NCOA1: variants seen among roughly 807,000 people sequenced by gnomAD.
The protein encoded by NCOA1 is nuclear receptor coactivator 1.
In NCOA1, 35 loss-of-function variants were observed where a neutral mutation model predicts 150.9. The observed-to-expected ratio is 0.23, with a 90% CI of 0.18 to 0.31. The LOEUF is 0.31. NCOA1 is among the 10% of genes least tolerant of loss of function. The pLI, the probability that NCOA1 is intolerant of heterozygous loss-of-function variation, is 1.00. For synonymous variants in NCOA1, 590 were observed against 630.0 expected (o/e 0.94, Z 0.95); for missense variants, 1,491 against 1,749.3 (o/e 0.85, Z 2.63).
chr2:24,735,729 T>G (rs1037039995), intron 17 of NCOA1, among the ~76,000 whole-genome samples: 1 of 152,100 alleles, frequency 6.6e-6, no homozygotes, highest in African/African-American at 2.4e-5. Flanking sequence ...GTTGAGATTT[T>G]TAAAAAGAGC....
intron 1 of NCOA1, among the ~76,000 whole-genome samples, chr2:24,542,197 G>A (rs530669667): frequency 7.9e-5 from 12 of 152,280 alleles, no homozygotes; most frequent in African/African-American, 2.9e-4. Flanking sequence ...TGATGCATAA[G>A]TAGTCAAACA....
rs888438665 is a variant in NCOA1 at position 24,768,394 on chromosome 2, A to G, written c.*3A>G. 4.4e-5 allele frequency: 70 copies of G among 1,599,944 alleles called. No homozygotes were observed. Among genetic ancestry groups the G allele is most frequent in the Non-Finnish European group, 6.0e-5 (70 of 1,171,356 alleles). On this transcript the variant is annotated 3_prime_UTR_variant, in exon 23 of 23. Coordinates refer to ENST00000348332, the MANE Select transcript of NCOA1 (RefSeq NM_003743.5). ...TTCAGCAGCTACTGACTGAATAACC[A>G]CTTTTAAAGGAATGTGAAATTTAAA...
intron 1 of NCOA1, among the ~76,000 whole-genome samples, chr2:24,540,940 G>A (rs10432678): frequency 0.5 from 75,999 of 152,006 alleles, 20,735 homozygotes; most frequent in Admixed American, 0.67. Flanking sequence ...TGGAGAGATG[G>A]TATTGCCAGA....
chr2:24,531,684 C>T (rs908006095), intron 1 of NCOA1, among the ~76,000 whole-genome samples: 1 of 152,172 alleles, frequency 6.6e-6, no homozygotes, highest in Non-Finnish European at 1.5e-5. Flanking sequence ...TCAGTTCCCA[C>T]CTGTGAATGA....
At chr2:24,647,696 A>G (rs1205616878) in intron 4 of NCOA1, among the ~76,000 whole-genome samples, 3 of 152,220 alleles carry the variant, frequency 2.0e-5, no homozygotes, top group African/African-American at 7.2e-5. Context: ...CTTTAGATGC[A>G]TATTAATGGG....
intron 17 of NCOA1, among the ~76,000 whole-genome samples, chr2:24,731,316 T>C (rs1662999719): frequency 6.6e-6 from 1 of 152,294 alleles, no homozygotes; most frequent in African/African-American, 2.4e-5. Context: ...TCAAATGATT[T>C]ACCTTTTAAA....
intron 3 of NCOA1, among the ~76,000 whole-genome samples, chr2:24,617,588 G>A (rs766696839): frequency 3.3e-5 from 5 of 151,970 alleles, no homozygotes; most frequent in African/African-American, 7.3e-5. Flanking sequence ...ATATCTTCTT[G>A]GGTGTCCTGT....
chr2:24,547,972 G>C (rs554240919), intron 1 of NCOA1, among the ~76,000 whole-genome samples: 1 of 114,162 alleles, frequency 8.8e-6, no homozygotes, highest in Non-Finnish European at 1.7e-5. Flanking sequence ...CTGGGCAACA[G>C]AGTGAGACTC....
At chr2:24,536,560 G>T (rs1202931792) in intron 1 of NCOA1, among the ~76,000 whole-genome samples, 2 of 152,132 alleles carry the variant, frequency 1.3e-5, no homozygotes, top group African/African-American at 4.8e-5. Flanking sequence ...CAGCTTTTCT[G>T]CTCTGGTTTC....
At chr2:24,631,072 A>C (rs1669687889) in intron 3 of NCOA1, among the ~76,000 whole-genome samples, 1 of 152,104 alleles carries the variant, frequency 6.6e-6, no homozygotes, top group Non-Finnish European at 1.5e-5. Flanking sequence ...CTTTTATTAA[A>C]ATCTTGCATT....
At chr2:24,580,960 G>A (rs1381384487) in intron 2 of NCOA1, among the ~76,000 whole-genome samples, 2 of 152,146 alleles carry the variant, frequency 1.3e-5, no homozygotes, top group African/African-American at 4.8e-5. Flanking sequence ...TGAGAAGGAG[G>A]GAAGCCTCAT....
At position 24,758,182 on chromosome 2, in the gene NCOA1, T is replaced by C; in HGVS notation, c.4065+26T>C. The C allele has an allele frequency of 1.9e-6, 3 of 1,585,462 alleles. No individual in the cohort carries two copies. In the South Asian group the frequency reaches 3.4e-5, roughly 18 times the overall value. On this transcript the variant is annotated intron_variant, in intron 21 of 22. Transcript: ENST00000348332. Reference sequence around the variant, plus strand: ...GTAAGTGGCACACTCGCCACACACATGCCACACCACATCACAGTTAATTCT... The same window carrying C: ...GTAAGTGGCACACTCGCCACACACACGCCACACCACATCACAGTTAATTCT...
chr2:24,528,554 C>T (rs1450307885), intron 1 of NCOA1, among the ~76,000 whole-genome samples: 1 of 151,520 alleles, frequency 6.6e-6, no homozygotes, highest in East Asian at 1.9e-4. Flanking sequence ...CACCATGTTG[C>T]CCAGGCTGGT....
chr2:24,757,454 G>A (rs189563165), intron 20 of NCOA1, among the ~76,000 whole-genome samples: 2 of 152,214 alleles, frequency 1.3e-5, no homozygotes, highest in African/African-American at 4.8e-5. Context: ...TATTAATAGA[G>A]ATGAGAAATA....
chr2:24,721,260 TATG>T (rs934086190), intron 14 of NCOA1, among the ~76,000 whole-genome samples: 3 of 152,212 alleles, frequency 2.0e-5, no homozygotes, highest in African/African-American at 7.2e-5. Context: ...TTTTAATCTG[TATG>T]ATGATATTTA....
intron 1 of NCOA1, among the ~76,000 whole-genome samples, chr2:24,560,301 G>T (rs1373926592): frequency 6.6e-6 from 1 of 152,126 alleles, no homozygotes; most frequent in African/African-American, 2.4e-5. Flanking sequence ...CAGTTTGTGT[G>T]TAGTCTTTCC....
chr2:24,658,778 C>G lies in NCOA1; in HGVS notation c.89+12C>G. ...ACACTGGCATCAAGGTAGGAACACT[C>G]CTCTTAGTCTATTTTTGGCAGAGCT... On this transcript the variant is annotated intron_variant, in intron 5 of 22. Transcript: ENST00000348332. 1 of 1,612,474 alleles carries G rather than the reference C, an allele frequency of 6.2e-7. No homozygotes were observed. Among genetic ancestry groups the G allele is most frequent in the Admixed American group, 1.7e-5 (1 of 59,968 alleles).
Position 24,576,149 on chromosome 2 carries a change from G to GTTTTTTTTTTTTTTT in NCOA1, c.-259-8314_-259-8313insTTTTTTTTTTTTTTT, listed in dbSNP as rs1183405187. Among the ~76,000 whole-genome samples, 142 of 93,978 alleles carry GTTTTTTTTTTTTTTT rather than the reference G, an allele frequency of 1.5e-3. 13 individuals carry two copies. Among genetic ancestry groups the GTTTTTTTTTTTTTTT allele is most frequent in the Non-Finnish European group, 2.1e-3 (103 of 48,840 alleles). The allele number at this position is 93,978 out of a possible 152,430, so 61.7% of individuals were successfully genotyped here. On this transcript the variant is annotated intron_variant, in intron 2 of 22. Coordinates refer to ENST00000348332, the MANE Select transcript of NCOA1 (RefSeq NM_003743.5). ...GAGTTTCAGAAATTATTTGGCCTTT[G>GTTTTTTTTTTTTTTT]TTTTTTTTTTTTTGTTTTTTGTTTT...
intron 13 of NCOA1, among the ~76,000 whole-genome samples, chr2:24,708,738 T>C (rs1673586861): frequency 6.6e-6 from 1 of 152,332 alleles, no homozygotes; most frequent in South Asian, 2.1e-4. Context: ...TTAGTATGCA[T>C]AGGTCCTTCG....
Sources: allele counts gnomAD v4.1 joint callset (sites outside exome capture counted in the v4.1 genomes callset), GRCh38; gene constraint gnomAD v4.1.1; transcripts MANE v1.5; gene names NCBI Gene and HGNC (gene_info 2026-07-23, HGNC 2026-07-21).